KDM4C: variants seen among roughly 807,000 people sequenced by gnomAD.
KDM4C encodes lysine demethylase 4C.
In KDM4C, 81 loss-of-function variants were observed where a neutral mutation model predicts 129.3. The ratio of observed to expected loss-of-function variants is 0.63; its 90% confidence interval spans 0.52 to 0.75. The LOEUF (loss-of-function observed/expected upper bound fraction) is 0.75, where lower values mean the gene tolerates loss of function less well. KDM4C is among the 30% of genes least tolerant of loss of function. The pLI, the probability that KDM4C is intolerant of heterozygous loss-of-function variation, is 0.00. For synonymous variants in KDM4C, 573 were observed against 456.1 expected, an observed-to-expected ratio of 1.26 and a Z score of -3.26; for missense variants, 1,457 against 1,304.0, an observed-to-expected ratio of 1.12 and a Z score of -1.81.
chr9:7,138,069 A>G (rs1587828863), intron 19 of KDM4C, among the ~76,000 whole-genome samples: 1 of 152,240 alleles, frequency 6.6e-6, no homozygotes, highest in Admixed American at 6.5e-5. Flanking sequence ...TGCCTTTTGC[A>G]TTATTAAATA....
At position 7,052,898 on chromosome 9, in the gene KDM4C, A is replaced by AGAGAGAGAGAGAGAGCGAGAGAGG. The variant is rs1477487723; in HGVS notation, c.2424+3701_2424+3702insAGAGAGAGAGAGCGAGAGAGGGAG. Among the ~76,000 whole-genome samples the AGAGAGAGAGAGAGAGCGAGAGAGG allele has an allele frequency of 4.2e-5, 2 of 47,532 alleles. 1 individual carries two copies. The highest frequency in any genetic ancestry group is 1.4e-4 in the Non-Finnish European group (2 of 14,396). 31.2% of individuals were successfully genotyped at this position (47,532 alleles called of 152,430 possible). On this transcript the variant is annotated intron_variant, in intron 17 of 21. Transcript: ENST00000381309. The stretch of plus-strand genomic sequence containing the variant: ...GAGAGAGAGAGAGAGAGAGAGAGAG[A>AGAGAGAGAGAGAGAGCGAGAGAGG]GAGCGAGCGAGTGCCCAAGGGATGA...
intron 17 of KDM4C, among the ~76,000 whole-genome samples, chr9:7,075,795 T>C (rs965148926): frequency 2.0e-5 from 3 of 152,102 alleles, no homozygotes. Flanking sequence ...GCATACTCTT[T>C]AATCATTCTG....
At chr9:6,754,459 C>T (rs1052079359), upstream of KDM4C, among the ~76,000 whole-genome samples, 1 of 152,068 alleles carries the variant, frequency 6.6e-6, no homozygotes, top group African/African-American at 2.4e-5. Flanking sequence ...GTGATATGCC[C>T]GCCTTGGCCT....
intron 8 of KDM4C, among the ~76,000 whole-genome samples, chr9:6,897,911 A>G (rs1245933286): frequency 6.6e-6 from 1 of 152,158 alleles, no homozygotes. Flanking sequence ...ATTTGTGCAT[A>G]TTTGAGCTGA....
chr9:7,034,280 T>G (rs962172123), intron 15 of KDM4C, among the ~76,000 whole-genome samples: 2 of 152,314 alleles, frequency 1.3e-5, no homozygotes, highest in African/African-American at 4.8e-5. Flanking sequence ...CCTACACTGG[T>G]ATAGACCACA....
At chr9:7,062,427 G>T (rs1831827829) in intron 17 of KDM4C, among the ~76,000 whole-genome samples, 1 of 151,924 alleles carries the variant, frequency 6.6e-6, no homozygotes, top group African/African-American at 2.4e-5. Flanking sequence ...TTGCTCTGTT[G>T]CCCAGGCTGG....
intron 2 of KDM4C, among the ~76,000 whole-genome samples, chr9:6,802,350 T>A (rs1467129343): frequency 6.6e-6 from 1 of 152,190 alleles, no homozygotes; most frequent in East Asian, 1.9e-4. Context: ...TGGCAATATC[T>A]ATGAAATTTG....
At chr9:7,079,022 G>A (rs1204186554) in intron 17 of KDM4C, among the ~76,000 whole-genome samples, 1 of 152,170 alleles carries the variant, frequency 6.6e-6, no homozygotes, top group East Asian at 1.9e-4. Context: ...ACTCCCAGAA[G>A]AAAAGCAGGT....
intron 8 of KDM4C, among the ~76,000 whole-genome samples, chr9:6,899,186 A>G (rs1392017585): frequency 1.3e-5 from 2 of 151,862 alleles, no homozygotes; most frequent in Non-Finnish European, 2.9e-5. Context: ...AAGAGCATCT[A>G]TAGGTTCACA....
At chr9:7,154,777 G>A (rs1843002884) in intron 19 of KDM4C, among the ~76,000 whole-genome samples, 1 of 152,244 alleles carries the variant, frequency 6.6e-6, no homozygotes, top group East Asian at 1.9e-4. Context: ...CATCTATTTA[G>A]TACTGCAGCT....
intron 8 of KDM4C, among the ~76,000 whole-genome samples, chr9:6,930,613 T>A (rs1823508363): frequency 7.4e-6 from 1 of 135,454 alleles, no homozygotes; most frequent in South Asian, 2.6e-4. Flanking sequence ...ATAAAACATG[T>A]TATAATATAT....
At chr9:6,841,235 G>C (rs965261385) in intron 4 of KDM4C, among the ~76,000 whole-genome samples, 2 of 151,956 alleles carry the variant, frequency 1.3e-5, no homozygotes, top group African/African-American at 4.8e-5. Context: ...GCCCAGTTTG[G>C]AGTTGGCTCT....
chr9:7,143,943 A>G (rs1341721979), intron 19 of KDM4C, among the ~76,000 whole-genome samples: 3 of 152,220 alleles, frequency 2.0e-5, no homozygotes, highest in Non-Finnish European at 4.4e-5. Context: ...AAGGAAGGAC[A>G]TGTTAAACTC....
chr9:6,817,459 C>T (rs1014916240), intron 4 of KDM4C, among the ~76,000 whole-genome samples: 6 of 152,254 alleles, frequency 3.9e-5, no homozygotes, highest in Non-Finnish European at 7.4e-5. Context: ...CCCTCTTCAG[C>T]TTCCCAAAGT....
At chr9:7,141,527 T>C (rs577942942) in intron 19 of KDM4C, among the ~76,000 whole-genome samples, 7 of 152,134 alleles carry the variant, frequency 4.6e-5, no homozygotes, top group Non-Finnish European at 5.9e-5. Flanking sequence ...TACCAGGTGA[T>C]GGATTGATAA....
At chr9:6,829,931 G>GT (rs953397448) in intron 4 of KDM4C, among the ~76,000 whole-genome samples, 24 of 151,964 alleles carry the variant, frequency 1.6e-4, no homozygotes, top group African/African-American at 3.1e-4. Context: ...AAAAGCCTGT[G>GT]TTTTTTTTCT....
chr9:6,995,401 A>G (rs1056378252), intron 12 of KDM4C, among the ~76,000 whole-genome samples: 1 of 152,222 alleles, frequency 6.6e-6, no homozygotes. Context: ...AATAGTTGCC[A>G]TGGAGATGAA....
At chr9:7,114,940 G>A (rs183656891) in intron 18 of KDM4C, among the ~76,000 whole-genome samples, 6 of 152,234 alleles carry the variant, frequency 3.9e-5, no homozygotes, top group Non-Finnish European at 5.9e-5. Flanking sequence ...TTAGCTGGTC[G>A]TGGTGGTGTG....
chr9:7,009,117 G>A (rs1460580490), intron 12 of KDM4C, among the ~76,000 whole-genome samples: 1 of 152,208 alleles, frequency 6.6e-6, no homozygotes, highest in Non-Finnish European at 1.5e-5. Flanking sequence ...TGAGCTGCAA[G>A]TGAATACAGA....
Sources: allele counts gnomAD v4.1 joint callset (sites outside exome capture counted in the v4.1 genomes callset), GRCh38; gene constraint gnomAD v4.1.1; transcripts MANE v1.5; gene names NCBI Gene and HGNC (gene_info 2026-07-23, HGNC 2026-07-21).